Variants in TENM4 observed in about 807,000 individuals in gnomAD.
TENM4 encodes the protein teneurin transmembrane protein 4.
A neutral mutation model predicts 243.3 loss-of-function variants in TENM4; 82 were observed. That is an observed-to-expected ratio of 0.34 (90% CI 0.28 to 0.40). The LOEUF (loss-of-function observed/expected upper bound fraction) is 0.40, where lower values mean the gene tolerates loss of function less well. TENM4 is among the 10% of genes least tolerant of loss of function. TENM4 has a pLI of 1.00. For missense variants in TENM4, 3,138 were observed against 3,673.3 expected (o/e 0.85, Z 3.77); for synonymous variants, 1,412 against 1,456.3 (o/e 0.97, Z 0.69).
chr11:79,151,020 G>A (rs1862498619), intron 3 of TENM4, among the ~76,000 whole-genome samples: 1 of 152,048 alleles, frequency 6.6e-6, no homozygotes, highest in Non-Finnish European at 1.5e-5. Context: ...GGCAGAACAG[G>A]GATTCAAACC....
At chr11:79,251,843 T>G (rs535337757) in intron 2 of TENM4, among the ~76,000 whole-genome samples, 2 of 151,610 alleles carry the variant, frequency 1.3e-5, no homozygotes, top group East Asian at 3.9e-4. Flanking sequence ...AAATTAAAAT[T>G]CAGAAGCTGA....
In TENM4 at chr11:79,239,542, T is replaced by C. The variant is rs116397791; in HGVS notation, c.-264-23633A>G. ...CTGGATGCATGAACTCAAGGGCCCA[T>C]GCTCTGTCCAGTGCACCATCATTCA... is the stretch of plus-strand genomic sequence containing the variant. On this transcript the variant is annotated intron_variant, in intron 2 of 33. Transcript: ENST00000278550. Among the ~76,000 whole-genome samples, 838 of 152,252 alleles carry C rather than the reference T, an allele frequency of 5.5e-3. 6 individuals are homozygous for C. Among genetic ancestry groups the C allele is most frequent in the African/African-American group, 0.019 (794 of 41,540 alleles).
chr11:78,735,228 T>A (rs1855759878), intron 20 of TENM4, among the ~76,000 whole-genome samples: 1 of 152,198 alleles, frequency 6.6e-6, no homozygotes, highest in Admixed American at 6.5e-5. Flanking sequence ...TTAGATGAAG[T>A]TGAGTACCAC....
intron 6 of TENM4, chr11:79,064,470 C>T (rs1412153579): frequency 2.2e-6 from 1 of 462,430 alleles, no homozygotes; most frequent in Non-Finnish European, 3.9e-6. Flanking sequence ...TGCTCCCCTG[C>T]ACACAGGCAC....
intron 9 of TENM4, among the ~76,000 whole-genome samples, chr11:78,876,840 T>C (rs1859279509): frequency 6.6e-6 from 1 of 152,212 alleles, no homozygotes; most frequent in Non-Finnish European, 1.5e-5. Context: ...CTTAATCACC[T>C]GAAATCCCTG....
At chr11:78,754,748 T>C (rs4121634) in intron 19 of TENM4, among the ~76,000 whole-genome samples, 19,697 of 152,152 alleles carry the variant, frequency 0.13, 1,298 homozygotes, top group Middle Eastern at 0.17. Flanking sequence ...GGTTTTCTCC[T>C]CACTCCGGCT....
chr11:78,687,380 A>G (rs1858710865), intron 29 of TENM4, among the ~76,000 whole-genome samples: 1 of 152,198 alleles, frequency 6.6e-6, no homozygotes, highest in African/African-American at 2.4e-5. Flanking sequence ...GGAGGTACAA[A>G]GAGCCATCCA....
chr11:79,203,982 T>G (rs1330264009), intron 3 of TENM4, among the ~76,000 whole-genome samples: 1 of 152,194 alleles, frequency 6.6e-6, no homozygotes, highest in Non-Finnish European at 1.5e-5. Context: ...AAAAAACACA[T>G]GTTGTATGAT....
intron 1 of TENM4, among the ~76,000 whole-genome samples, chr11:79,435,726 T>G (rs558512870): frequency 6.6e-6 from 1 of 152,152 alleles, no homozygotes; most frequent in Non-Finnish European, 1.5e-5. Flanking sequence ...GCTTATCAAG[T>G]CTCATTTTCC....
chr11:79,110,100 C>T (rs1861470373), intron 4 of TENM4, among the ~76,000 whole-genome samples: 1 of 152,216 alleles, frequency 6.6e-6, no homozygotes, highest in African/African-American at 2.4e-5. Flanking sequence ...TTCCCTCACC[C>T]TTTTCGTAGA....
At chr11:79,149,210 TAAAG>T (rs1862448577) in intron 3 of TENM4, among the ~76,000 whole-genome samples, 1 of 151,882 alleles carries the variant, frequency 6.6e-6, no homozygotes, top group South Asian at 2.1e-4. Flanking sequence ...ACCAGTGGAG[TAAAG>T]AGAGTGAGGG....
At chr11:79,271,413 C>G (rs574643671) in intron 2 of TENM4, among the ~76,000 whole-genome samples, 9 of 152,298 alleles carry the variant, frequency 5.9e-5, no homozygotes, top group African/African-American at 2.2e-4. Context: ...CTTTTCATAC[C>G]AATCTGGAGT....
At chr11:78,724,833 T>G (rs1351582040) in intron 23 of TENM4, among the ~76,000 whole-genome samples, 1 of 152,246 alleles carries the variant, frequency 6.6e-6, no homozygotes, top group Non-Finnish European at 1.5e-5. Context: ...CTCTTCATCC[T>G]TGACCTCCTT....
chr11:79,356,981 A>T (rs76186159), intron 1 of TENM4, among the ~76,000 whole-genome samples: 26 of 152,196 alleles, frequency 1.7e-4, no homozygotes, highest in Non-Finnish European at 3.2e-4. Flanking sequence ...GCTGGAGGGA[A>T]TTGGGTGGGA....
chr11:79,038,773 A>C (rs569968931), intron 6 of TENM4, among the ~76,000 whole-genome samples: 66 of 152,304 alleles, frequency 4.3e-4, no homozygotes, highest in African/African-American at 1.5e-3. Flanking sequence ...TTGGGAAAAA[A>C]CCATCTTAAA....
intron 1 of TENM4, among the ~76,000 whole-genome samples, chr11:79,391,741 C>T (rs549629652): frequency 1.1e-4 from 17 of 152,248 alleles, no homozygotes; most frequent in Admixed American, 8.5e-4. Flanking sequence ...CAGCCTCAGA[C>T]GTATCACATA....
At chr11:78,976,762 T>C (rs1160924015) in intron 6 of TENM4, among the ~76,000 whole-genome samples, 1 of 152,222 alleles carries the variant, frequency 6.6e-6, no homozygotes, top group Non-Finnish European at 1.5e-5. Flanking sequence ...CAGGAACCCT[T>C]CAGGCAGCTT....
intron 6 of TENM4, among the ~76,000 whole-genome samples, chr11:78,952,905 A>T (rs539784863): frequency 2.0e-5 from 3 of 152,286 alleles, no homozygotes; most frequent in Admixed American, 2.0e-4. Flanking sequence ...CACATCAGGT[A>T]TGCATTCCCC....
intron 2 of TENM4, among the ~76,000 whole-genome samples, chr11:79,274,493 T>C (rs614767): frequency 0.43 from 64,932 of 152,130 alleles, 15,649 homozygotes; most frequent in Non-Finnish European, 0.56. Context: ...TTGTTTAAGG[T>C]AGCTCCCTGC....
Sources: allele counts gnomAD v4.1 joint callset (sites outside exome capture counted in the v4.1 genomes callset), GRCh38; gene constraint gnomAD v4.1.1; transcripts MANE v1.5; gene names NCBI Gene and HGNC (gene_info 2026-07-23, HGNC 2026-07-21).